Variants in CNOT1 observed in about 807,000 individuals in gnomAD.
CNOT1 encodes CCR4-associated factor 1.
Under a neutral mutation model 273.8 loss-of-function variants are expected in CNOT1, and 15 were observed. The observed-to-expected ratio is 0.05, with a 90% CI of 0.04 to 0.08. CNOT1 has a LOEUF of 0.08. Ranked by LOEUF, CNOT1 falls within the 10% of genes least tolerant of loss-of-function variation. The pLI is 1.00. For synonymous variants in CNOT1, 1,022 were observed against 1,005.5 expected (o/e 1.02, Z -0.31); for missense variants, 1,644 against 2,912.2 (o/e 0.56, Z 10.02).
Position 58,613,785 on chromosome 16 carries a change from G to GT in CNOT1, c.-174-14275dup, listed in dbSNP as rs906408056. Among the ~76,000 whole-genome samples the GT allele has an allele frequency of 3.2e-5, 4 of 123,634 alleles. 1 individual carries two copies. The highest frequency in any genetic ancestry group is 5.8e-5 in the Non-Finnish European group (3 of 52,106). The allele number at this position is 123,634 out of a possible 152,430, so 81.1% of individuals were successfully genotyped here. A position where few individuals can be genotyped will look rare whatever the true frequency, so the allele number is the denominator to read the frequency against. ...TAAAATAGTTGAGAAAGGAACTGAA[G>GT]TTTTTTTTCAAAGTAGAAAATTGGT... On this transcript the variant is annotated intron_variant, in intron 1 of 48. Coordinates refer to ENST00000317147, the MANE Select transcript of CNOT1 (RefSeq NM_016284.5).
intron 2 of CNOT1, among the ~76,000 whole-genome samples, chr16:58,591,492 G>T (rs1220986928): frequency 6.6e-6 from 1 of 152,174 alleles, no homozygotes; most frequent in African/African-American, 2.4e-5. Context: ...GGAGGCTCAT[G>T]CCTGTAATCC....
intron 36 of CNOT1, 117 bp downstream of exon 36, chr16:58,538,655 C>T: frequency 1.4e-6 from 2 of 1,446,180 alleles, no homozygotes; most frequent in Admixed American, 4.4e-5. Flanking sequence ...AGTAGGAAGT[C>T]TAAGTGTCCG....
Position 58,547,781 on chromosome 16 carries a change from T to C in CNOT1, c.3523-99A>G, listed in dbSNP as rs1640749265. On this transcript the variant is annotated intron_variant, in intron 25 of 48. Coordinates refer to ENST00000317147, the MANE Select transcript of CNOT1 (RefSeq NM_016284.5). This position sits in a 1 kb window ranked among gnomAD's most constrained non-coding sequence, Gnocchi z 4.0. ...TCCATTATCCTATCCTAAAGACAAGTCATCATTTCTAAGAACAGGCCCCAA... is the reference window on the plus strand; with the variant it reads ...TCCATTATCCTATCCTAAAGACAAGCCATCATTTCTAAGAACAGGCCCCAA... 1.7e-6 allele frequency: 2 copies of C among 1,177,958 alleles called. No individual in the cohort carries two copies. The highest frequency in any genetic ancestry group is 3.1e-5 in the African/African-American group (2 of 64,590). 73.0% of individuals were successfully genotyped at this position (1,177,958 alleles called of 1,614,324 possible). A position where few individuals can be genotyped will look rare whatever the true frequency, so the allele number is the denominator to read the frequency against.
intron 13 of CNOT1, among the ~76,000 whole-genome samples, chr16:58,576,824 T>C (rs181858252): frequency 6.6e-6 from 1 of 152,348 alleles, no homozygotes; most frequent in East Asian, 1.9e-4. Flanking sequence ...TCAACAAACT[T>C]ATTTGTCCTA....
At chr16:58,539,681 T>C (rs1163848373) in intron 35 of CNOT1, 87 bp downstream of exon 35, 3 of 1,304,424 alleles carry the variant, frequency 2.3e-6, no homozygotes, top group Non-Finnish European at 3.1e-6. Context: ...ATCTTAAGCA[T>C]AACTGCATAA....
rs13330601 is a variant in CNOT1 at position 58,520,386 on chromosome 16, G to A, written c.*572C>T. 523 of 154,376 alleles carry A rather than the reference G, an allele frequency of 3.4e-3. 2 individuals carry two copies. The highest frequency in any genetic ancestry group is 0.012 in the African/African-American group (490 of 41,542). The allele number at this position is 154,376 out of a possible 1,614,324, so 9.6% of individuals were successfully genotyped here. A position where few individuals can be genotyped will look rare whatever the true frequency, so the allele number is the denominator to read the frequency against. ...CAGCTTTGGAATACGTTTGGGTAGA[G>A]ACAAAATGGAAACTCATGGGATTCC... is the stretch of plus-strand genomic sequence containing the variant. On this transcript the variant is annotated 3_prime_UTR_variant, in exon 49 of 49. Coordinates refer to ENST00000317147, the MANE Select transcript of CNOT1 (RefSeq NM_016284.5).
chr16:58,616,703 T>C (rs532931361), intron 1 of CNOT1, among the ~76,000 whole-genome samples: 1 of 152,340 alleles, frequency 6.6e-6, no homozygotes, highest in East Asian at 1.9e-4. Flanking sequence ...ATGATTATTT[T>C]ATATATTACT....
intron 44 of CNOT1, 119 bp from the exon 45 acceptor site, chr16:58,526,257 G>A (rs2039576298): frequency 1.1e-5 from 10 of 911,848 alleles, no homozygotes; most frequent in Middle Eastern, 2.9e-4. Flanking sequence ...GCCTTGAAGA[G>A]CACAGCTGCC....
chr16:58,602,553 C>CA (rs60230860), intron 1 of CNOT1, among the ~76,000 whole-genome samples: 1,651 of 57,790 alleles, frequency 0.029, 95 homozygotes, highest in African/African-American at 0.093. Flanking sequence ...ACTCTGTCTC[C>CA]AAAAAAAAAA....
chr16:58,613,134 C>T (rs532056843), intron 1 of CNOT1, among the ~76,000 whole-genome samples: 7 of 152,088 alleles, frequency 4.6e-5, no homozygotes, highest in Non-Finnish European at 1.0e-4. Flanking sequence ...CAGGTTCAAG[C>T]GATTCTCCTG....
At chr16:58,592,383 G>A (rs533056892) in intron 2 of CNOT1, among the ~76,000 whole-genome samples, 1 of 152,114 alleles carries the variant, frequency 6.6e-6, no homozygotes, top group South Asian at 2.1e-4. Context: ...TAAAAATACT[G>A]AGTGGCTGTA....
In CNOT1 at chr16:58,624,440, G is replaced by C. The variant is rs2043481834; in HGVS notation, c.-175+5288C>G. Among the ~76,000 whole-genome samples, 3 of 152,202 alleles carry C rather than the reference G, an allele frequency of 2.0e-5. No homozygotes were observed. The South Asian group carries it at 6.2e-4, about 31-fold the overall frequency. The stretch of plus-strand genomic sequence containing the variant: ...ACAGTTAAGCAACAGGTATGCTGGA[G>C]GTTAGTTAATGCTGTGTTTTCCAGA... On this transcript the variant is annotated intron_variant, in intron 1 of 48. Transcript: ENST00000317147.
chr16:58,606,372 C>T (rs1019860509), intron 1 of CNOT1, among the ~76,000 whole-genome samples: 1 of 142,934 alleles, frequency 7.0e-6, no homozygotes, highest in African/African-American at 2.7e-5. Context: ...CTGTGCAATA[C>T]AGTGAGACCC....
chr16:58,578,241 G>T (rs2041530529), intron 13 of CNOT1, among the ~76,000 whole-genome samples: 2 of 151,992 alleles, frequency 1.3e-5, no homozygotes, highest in South Asian at 4.1e-4. Context: ...ATCATTTGAG[G>T]TCAGGAGTTT....
intron 1 of CNOT1, among the ~76,000 whole-genome samples, chr16:58,601,556 T>C (rs761326472): frequency 2.6e-5 from 4 of 152,102 alleles, no homozygotes; most frequent in Non-Finnish European, 5.9e-5. Context: ...CTCAGGAAGA[T>C]TAAAACCCCT....
At chr16:58,553,482 T>C (rs982330394) in intron 22 of CNOT1, among the ~76,000 whole-genome samples, 1 of 151,466 alleles carries the variant, frequency 6.6e-6, no homozygotes, top group Non-Finnish European at 1.5e-5. Flanking sequence ...TTATCTAAGA[T>C]AAAGATTCTC....
chr16:58,542,546 T>G lies in CNOT1; in HGVS notation c.4457A>C (p.Glu1486Ala), dbSNP rs1381410166. The G allele has an allele frequency of 1.2e-5, 19 of 1,588,774 alleles. No individual in the cohort carries two copies. Among genetic ancestry groups the G allele is most frequent in the Non-Finnish European group, 1.5e-5 (18 of 1,166,718 alleles). ...ALRTASPQQR[E>A]MMDQAAAQLA... is the part of the protein sequence containing the mutation. Reference sequence around the variant, plus strand: ...TTGAGCAGCTGCCTGATCCATCATTTCTCTTTGTTGTGGGGAAGCAGTCTA... The same window carrying G: ...TTGAGCAGCTGCCTGATCCATCATTGCTCTTTGTTGTGGGGAAGCAGTCTA... Residue 1486 changes from glutamate (E) to alanine (A), a missense_variant, in exon 32 of 49, where the codon GAA becomes GCA. Physicochemically the swap from Glu to Ala is moderately radical, Grantham distance 107. Around this residue, in one of 13 missense-constraint regions of CNOT1, gnomAD observed 133 missense variants for 230.4 expected, o/e 0.58. Coordinates refer to ENST00000317147, the MANE Select transcript of CNOT1 (RefSeq NM_016284.5).
chr16:58,625,881 T>C (rs28397238), intron 1 of CNOT1, among the ~76,000 whole-genome samples: 55,190 of 145,052 alleles, frequency 0.38, 12,065 homozygotes, highest in African/African-American at 0.58. Context: ...AAAAAAACTA[T>C]TGTATACACT....
rs1293394577 is a variant in CNOT1 at position 58,532,387 on chromosome 16, A to C, written c.5904T>G (p.Gly1968=). The C allele has an allele frequency of 6.2e-7, 1 of 1,613,258 alleles. No homozygotes were observed. The highest frequency in any genetic ancestry group is 1.3e-5 in the African/African-American group (1 of 75,018). ...CCTGAAGGAGAACTCCCACTACTAT[A>C]CCAAGGACCTACGTAAAACACAAAT... ...TKINLLNKVL[G]IVVGVLLQDH... is the part of the protein sequence containing the mutation. Residue 1968 remains glycine, a synonymous_variant, in exon 41 of 49, where the codon GGT becomes GGG. Coordinates refer to ENST00000317147, the MANE Select transcript of CNOT1 (RefSeq NM_016284.5).
Sources: allele counts gnomAD v4.1 joint callset (sites outside exome capture counted in the v4.1 genomes callset), GRCh38; gene constraint gnomAD v4.1.1; regional missense constraint gnomAD v4.1.1; non-coding constraint Gnocchi (gnomAD v3.1); transcripts MANE v1.5; gene names NCBI Gene and HGNC (gene_info 2026-07-23, HGNC 2026-07-21).